Variants in CNOT4 observed in about 807,000 individuals in gnomAD.
CNOT4 encodes the protein CCR4-associated factor 4.
CNOT4 carries 8 observed loss-of-function variants against 73.8 expected under a neutral mutation model. The observed-to-expected ratio is 0.11, with a 90% CI of 0.06 to 0.20. CNOT4 has a LOEUF of 0.20. Among genes scored for constraint, CNOT4 ranks in the 10% least tolerant of loss-of-function variants. CNOT4 has a pLI of 1.00. For missense variants in CNOT4, 564 were observed against 883.4 expected (o/e 0.64, Z 4.58); for synonymous variants, 293 against 321.1 (o/e 0.91, Z 0.94).
intron 10 of CNOT4, among the ~76,000 whole-genome samples, chr7:135,376,340 C>T (rs1247457496): frequency 2.0e-5 from 3 of 152,030 alleles, no homozygotes; most frequent in Non-Finnish European, 4.4e-5. Context: ...TCCTAAAAAC[C>T]ATGCTGTTCT....
chr7:135,412,221 T>C (rs1563033643), intron 6 of CNOT4, among the ~76,000 whole-genome samples: 1 of 151,890 alleles, frequency 6.6e-6, no homozygotes, highest in Non-Finnish European at 1.5e-5. Flanking sequence ...GATATTAAAA[T>C]GACTCTACAG....
chr7:135,439,541 G>T (rs1799350504), intron 1 of CNOT4, among the ~76,000 whole-genome samples: 1 of 152,182 alleles, frequency 6.6e-6, no homozygotes, highest in Non-Finnish European at 1.5e-5. Flanking sequence ...AAGGCAGGAG[G>T]ACTGCTTGAG....
At chr7:135,374,298 C>A (rs1232489113) in intron 10 of CNOT4, among the ~76,000 whole-genome samples, 1 of 152,128 alleles carries the variant, frequency 6.6e-6, no homozygotes, top group Non-Finnish European at 1.5e-5. Flanking sequence ...CAAATTCTAT[C>A]AAAGTAATGT....
intron 1 of CNOT4, among the ~76,000 whole-genome samples, chr7:135,473,053 T>A (rs1013424380): frequency 3.4e-5 from 5 of 147,764 alleles, no homozygotes; most frequent in Non-Finnish European, 7.6e-5. Flanking sequence ...AAAAAAAAAA[T>A]ACAATTTATA....
intron 10 of CNOT4, among the ~76,000 whole-genome samples, chr7:135,378,664 C>T (rs1795660632): frequency 6.6e-6 from 1 of 151,758 alleles, no homozygotes; most frequent in South Asian, 2.1e-4. Context: ...ACTCAGTAGA[C>T]TGATGGAGAG....
chr7:135,386,112 A>T (rs1796106102), intron 10 of CNOT4: 1 of 151,694 alleles, frequency 6.6e-6, no homozygotes, highest in Non-Finnish European at 1.5e-5. Flanking sequence ...ACAGGACTCT[A>T]TTCCCTAAAG....
chr7:135,375,166 G>A (rs536685877), intron 10 of CNOT4, among the ~76,000 whole-genome samples: 1 of 152,176 alleles, frequency 6.6e-6, no homozygotes, highest in East Asian at 1.9e-4. Flanking sequence ...GATCATATGT[G>A]GATTATTATA....
At chr7:135,464,028 A>AAAAAAAAC (rs1317402505) in intron 1 of CNOT4, among the ~76,000 whole-genome samples, 7 of 151,400 alleles carry the variant, frequency 4.6e-5, no homozygotes, top group Admixed American at 1.3e-4. Flanking sequence ...AAAAGTCAAA[A>AAAAAAAAC]AAAAAAAAAA....
In CNOT4 at chr7:135,365,907, C is replaced by T. The variant is rs919313814; in HGVS notation, c.1628-1841G>A. On this transcript the variant is annotated intron_variant, in intron 10 of 11. Transcript: ENST00000541284. ...AAGATCATAAATATAAGTCCTAGAA[C>T]ACTCTCAATCACAGTAAGGTTTACG... is the stretch of plus-strand genomic sequence containing the variant. 1.4e-4 allele frequency among the ~76,000 whole-genome samples: 22 copies of T among 152,216 alleles called. 1 individual carries two copies. The highest frequency in any genetic ancestry group is 3.1e-4 in the African/African-American group (13 of 41,464).
At chr7:135,430,565 A>T (rs1393225999) in intron 2 of CNOT4, among the ~76,000 whole-genome samples, 1 of 152,150 alleles carries the variant, frequency 6.6e-6, no homozygotes. Flanking sequence ...GAATTGCTTG[A>T]GCCCAGGAGG....
intron 1 of CNOT4, among the ~76,000 whole-genome samples, chr7:135,463,495 G>A (rs1253113029): frequency 0.08 from 7 of 88 alleles, no homozygotes; most frequent in African/African-American, 0.23. Context: ...CCGAGATCGC[G>A]CCATGCACTC....
chr7:135,445,334 T>A (rs1469067929), intron 1 of CNOT4, among the ~76,000 whole-genome samples: 1 of 152,240 alleles, frequency 6.6e-6, no homozygotes, highest in Admixed American at 6.5e-5. Flanking sequence ...TCTTAATTCA[T>A]GAATAAAAAC....
chr7:135,365,041 T>C (rs1326583475), intron 10 of CNOT4, among the ~76,000 whole-genome samples: 1 of 152,238 alleles, frequency 6.6e-6, no homozygotes, highest in African/African-American at 2.4e-5. Context: ...ATATTTCTGA[T>C]TCTACAGAAC....
rs573156191 is a variant in CNOT4, at chr7:135,458,016, A to C, written c.-92-19593T>G. On this transcript the variant is annotated intron_variant, in intron 1 of 11. Transcript: ENST00000541284. ...TTATTTAACCAGTCTCCTGTTACTG[A>C]ACATTTGTTTCAAAGTTTTTGCTAC... Among the ~76,000 whole-genome samples, 13 of 152,240 alleles carry C rather than the reference A, an allele frequency of 8.5e-5. No individual in the cohort carries two copies. In the South Asian group the frequency reaches 2.7e-3, roughly 32 times the overall value.
intron 1 of CNOT4, among the ~76,000 whole-genome samples, chr7:135,475,446 A>G (rs571885398): frequency 1.3e-5 from 2 of 152,304 alleles, no homozygotes; most frequent in Admixed American, 6.5e-5. Flanking sequence ...GTGCAGTGAA[A>G]TGGTTAAAAA....
chr7:135,451,085 A>G (rs113734949), intron 1 of CNOT4, among the ~76,000 whole-genome samples: 3,048 of 152,306 alleles, frequency 0.02, 107 homozygotes, highest in African/African-American at 0.07. Context: ...CCTTAGAGAA[A>G]CAGTTGCACA....
chr7:135,405,666 G>C (rs1797238697), intron 7 of CNOT4, among the ~76,000 whole-genome samples: 1 of 152,156 alleles, frequency 6.6e-6, no homozygotes, highest in Non-Finnish European at 1.5e-5. Context: ...AAGGGGAGCA[G>C]ATGACAAATT....
At chr7:135,465,131 C>G (rs954585507) in intron 1 of CNOT4, among the ~76,000 whole-genome samples, 24 of 152,154 alleles carry the variant, frequency 1.6e-4, no homozygotes, top group Admixed American at 3.9e-4. Context: ...CTGCTGCTCT[C>G]TGGTTTTAAT....
chr7:135,490,492 A>G (rs1789878701), intron 1 of CNOT4, among the ~76,000 whole-genome samples: 1 of 152,222 alleles, frequency 6.6e-6, no homozygotes, highest in South Asian at 2.1e-4. Context: ...TTCCATTCAA[A>G]GAAACTTTCA....
Sources: allele counts gnomAD v4.1 joint callset (sites outside exome capture counted in the v4.1 genomes callset), GRCh38; gene constraint gnomAD v4.1.1; transcripts MANE v1.5; gene names NCBI Gene and HGNC (gene_info 2026-07-23, HGNC 2026-07-21).